Variants in LRRFIP1 observed in about 807,000 individuals in gnomAD.
The protein encoded by LRRFIP1 is leucine-rich repeat flightless-interacting protein 1.
LRRFIP1 carries 62 observed loss-of-function variants against 104.4 expected under a neutral mutation model. The ratio of observed to expected loss-of-function variants is 0.59; its 90% CI spans 0.48 to 0.73. The LOEUF is 0.73. Ranked by LOEUF, LRRFIP1 falls within the 30% of genes least tolerant of loss-of-function variation. LRRFIP1 has a pLI of 0.00. For missense variants in LRRFIP1, 796 were observed against 824.5 expected (o/e 0.97, Z 0.42); for synonymous variants, 300 against 299.0 (o/e 1.00, Z -0.03).
chr2:237,653,136 C>T (rs1025148648), intron 1 of LRRFIP1, among the ~76,000 whole-genome samples: 28 of 152,204 alleles, frequency 1.8e-4, no homozygotes, highest in African/African-American at 6.8e-4. Context: ...GCCTGTGGAA[C>T]TGTGAATCAA....
chr2:237,747,945 A>G (rs2058091487), intron 11 of LRRFIP1, among the ~76,000 whole-genome samples: 1 of 152,168 alleles, frequency 6.6e-6, no homozygotes, highest in Non-Finnish European at 1.5e-5. Flanking sequence ...AAAGGAGAAA[A>G]AAAGAAACCT....
chr2:237,681,701 A>C (rs2091852255), intron 1 of LRRFIP1, among the ~76,000 whole-genome samples: 1 of 10,514 alleles, frequency 9.5e-5, no homozygotes, highest in Non-Finnish European at 2.3e-4. Context: ...TTTTTTTGAG[A>C]CGGAGTCTCG....
rs576651832 is a variant in LRRFIP1, at chr2:237,699,477, T to C, written c.97-9067T>C. Among the ~76,000 whole-genome samples, 4 of 151,936 alleles carry C rather than the reference T, an allele frequency of 2.6e-5. No homozygotes were observed. The South Asian group carries it at 8.3e-4, about 32-fold the overall frequency. On this transcript the variant is annotated intron_variant, in intron 1 of 23. Coordinates refer to ENST00000308482, the MANE Select transcript of LRRFIP1 (RefSeq NM_001137550.2). ...AAGTGATTCTCCTGCCTCAGCCTCC[T>C]GAGTAGCTGGGATTATAGGCATGCG...
chr2:237,718,524 CTG>C (rs1473545938), intron 4 of LRRFIP1, among the ~76,000 whole-genome samples: 1 of 152,206 alleles, frequency 6.6e-6, no homozygotes, highest in East Asian at 1.9e-4. Context: ...GGGGCACAAT[CTG>C]TGTGCTTTCC....
chr2:237,736,614 G>A (rs944949639), intron 10 of LRRFIP1, among the ~76,000 whole-genome samples: 3 of 152,154 alleles, frequency 2.0e-5, no homozygotes, highest in Non-Finnish European at 2.9e-5. Flanking sequence ...TTCGGGAGTC[G>A]TCAGCCCTAG....
intron 8 of LRRFIP1, among the ~76,000 whole-genome samples, chr2:237,732,661 A>G (rs1209300081): frequency 2.0e-5 from 3 of 152,230 alleles, no homozygotes; most frequent in Non-Finnish European, 4.4e-5. Context: ...TATTAAATGC[A>G]TATTTTCAAA....
At chr2:237,700,659 A>G (rs1231078491) in intron 1 of LRRFIP1, among the ~76,000 whole-genome samples, 1 of 152,156 alleles carries the variant, frequency 6.6e-6, no homozygotes, top group Non-Finnish European at 1.5e-5. Context: ...ACATCTGAGG[A>G]GAGCTGCTGT....
chr2:237,697,187 T>C (rs2093246438), intron 1 of LRRFIP1, among the ~76,000 whole-genome samples: 1 of 152,048 alleles, frequency 6.6e-6, no homozygotes, highest in South Asian at 2.1e-4. Flanking sequence ...CTCACCCGGC[T>C]AATTTTTGTA....
At chr2:237,752,427 G>A (rs1171405108) in intron 14 of LRRFIP1, among the ~76,000 whole-genome samples, 1 of 152,186 alleles carries the variant, frequency 6.6e-6, no homozygotes, top group Non-Finnish European at 1.5e-5. Flanking sequence ...AATGCTGCTG[G>A]GGAGCCACTG....
Position 237,751,273 on chromosome 2 carries a change from T to C in LRRFIP1, c.867+2T>C. On this transcript the variant is annotated splice_donor_variant, in intron 14 of 23. Coordinates refer to ENST00000308482, the MANE Select transcript of LRRFIP1 (RefSeq NM_001137550.2). LOFTEE classifies it high-confidence loss of function. Reference sequence around the variant, plus strand: ...ATGCAGGGATTGAAAGAGATGAAGGTACCAATTCACAGACGTGTGGTCTCA... The same window carrying C: ...ATGCAGGGATTGAAAGAGATGAAGGCACCAATTCACAGACGTGTGGTCTCA... 1 of 1,604,364 alleles carries C rather than the reference T, an allele frequency of 6.2e-7. No homozygotes were observed. Among genetic ancestry groups the C allele is most frequent in the Non-Finnish European group, 8.5e-7 (1 of 1,174,730 alleles).
At chr2:237,655,405 C>T (rs2086652652) in intron 1 of LRRFIP1, among the ~76,000 whole-genome samples, 1 of 151,748 alleles carries the variant, frequency 6.6e-6, no homozygotes, top group Non-Finnish European at 1.5e-5. Context: ...CCACTGCACC[C>T]AGCCGTCACT....
intron 18 of LRRFIP1, 32 bp from the exon 19 acceptor site, chr2:237,760,032 A>G: frequency 6.2e-7 from 1 of 1,600,196 alleles, no homozygotes; most frequent in South Asian, 1.1e-5. Context: ...ATCACTGAGT[A>G]AATATTACGA....
chr2:237,713,816 T>A (rs1284855868), intron 2 of LRRFIP1, among the ~76,000 whole-genome samples: 1 of 152,234 alleles, frequency 6.6e-6, no homozygotes, highest in East Asian at 1.9e-4. Flanking sequence ...ATTCTGTGTG[T>A]GTCTGTGTGA....
At chr2:237,758,050 G>A (rs2059458772) in intron 17 of LRRFIP1, among the ~76,000 whole-genome samples, 1 of 152,094 alleles carries the variant, frequency 6.6e-6, no homozygotes, top group African/African-American at 2.4e-5. Context: ...TGAAGGATAG[G>A]GGGAACAGAA....
intron 2 of LRRFIP1, among the ~76,000 whole-genome samples, chr2:237,713,598 CAAT>C (rs2094202513): frequency 6.6e-6 from 1 of 152,084 alleles, no homozygotes; most frequent in Non-Finnish European, 1.5e-5. Context: ...GCAGTGCCTT[CAAT>C]AATGCCTGAT....
At chr2:237,634,124 T>A (rs548769335) in intron 1 of LRRFIP1, among the ~76,000 whole-genome samples, 16 of 152,234 alleles carry the variant, frequency 1.1e-4, no homozygotes, top group African/African-American at 3.6e-4. Context: ...ACTTCTCTGA[T>A]AAAAACTTTC....
rs2095341842 is a variant in LRRFIP1, at chr2:237,739,223, T to C, written c.556-9T>C. The C allele has an allele frequency of 1.3e-6, 2 of 1,555,834 alleles. No homozygotes were observed. Among genetic ancestry groups the C allele is most frequent in the Non-Finnish European group, 8.7e-7 (1 of 1,149,708 alleles). On this transcript the variant is annotated splice_polypyrimidine_tract_variant and intron_variant, in intron 10 of 23. Coordinates refer to ENST00000308482, the MANE Select transcript of LRRFIP1 (RefSeq NM_001137550.2). ...TGGCTGCGTGTCCTGGCGGTGGCTG[T>C]GTGGGCAGCCCTCGGAGTACAGCGG... is the stretch of plus-strand genomic sequence containing the variant.
intron 1 of LRRFIP1, among the ~76,000 whole-genome samples, chr2:237,695,864 A>C (rs1376295726): frequency 6.6e-6 from 1 of 152,190 alleles, no homozygotes; most frequent in Non-Finnish European, 1.5e-5. Context: ...TCTTTCTCCC[A>C]AATTAAATAT....
chr2:237,685,793 C>G (rs181973342), intron 1 of LRRFIP1, among the ~76,000 whole-genome samples: 1 of 152,318 alleles, frequency 6.6e-6, no homozygotes, highest in African/African-American at 2.4e-5. Context: ...TAAAAACCGA[C>G]AAACCATGAA....
Sources: allele counts gnomAD v4.1 joint callset (sites outside exome capture counted in the v4.1 genomes callset), GRCh38; gene constraint gnomAD v4.1.1; transcripts MANE v1.5; gene names NCBI Gene and HGNC (gene_info 2026-07-23, HGNC 2026-07-21).